SAP130: variants seen among roughly 807,000 people sequenced by gnomAD.
The protein encoded by SAP130 is Sin3A associated protein 130, also known as histone deacetylase complex subunit SAP130.
In SAP130, 16 loss-of-function variants were observed where a neutral mutation model predicts 103.2. That is an observed-to-expected ratio of 0.16 (90% CI 0.10 to 0.24). The LOEUF is 0.24. Ranked by LOEUF, SAP130 falls within the 10% of genes least tolerant of loss-of-function variation. The pLI, the probability that SAP130 is intolerant of heterozygous loss-of-function variation, is 1.00. For synonymous variants in SAP130, 477 were observed against 497.0 expected, an observed-to-expected ratio of 0.96 and a Z score of 0.53; for missense variants, 990 against 1,359.7, an observed-to-expected ratio of 0.73 and a Z score of 4.28.
Position 127,989,697 on chromosome 2 carries a change from G to C in SAP130, c.1647C>G (p.Pro549=), listed in dbSNP as rs1273763172. The C allele has an allele frequency of 1.9e-6, 3 of 1,614,152 alleles. No homozygotes were observed. Among genetic ancestry groups the C allele is most frequent in the Non-Finnish European group, 2.5e-6 (3 of 1,180,034 alleles). ...CAGGCTGTATCCCTGGGGTCCCAAT[G>C]GGGGCCGGCTGGATACCCTGGGTAC... ...PISTQGIQPA[P]IGTPGIQPAP... The change falls in exon 13 of 21, where the codon CCC becomes CCG. Residue 549 remains proline (P), a synonymous_variant. Coordinates refer to ENST00000643581, the MANE Select transcript of SAP130 (RefSeq NM_001330301.2). This position sits in a 1 kb window ranked among gnomAD's most constrained non-coding sequence, Gnocchi z 4.6.
chr2:127,963,603 C>G (rs976068828), intron 15 of SAP130, among the ~76,000 whole-genome samples: 1 of 152,156 alleles, frequency 6.6e-6, no homozygotes, highest in Non-Finnish European at 1.5e-5. Context: ...TGGTTTGGCT[C>G]TGTGTCCCCA....
At chr2:127,981,397 CCCGA>C (rs1681890967) in intron 14 of SAP130, among the ~76,000 whole-genome samples, 10 of 13,000 alleles carry the variant, frequency 7.7e-4, no homozygotes, top group Admixed American at 1.1e-3. Flanking sequence ...CTCCTGCACC[CCCGA>C]CTCAGCTCCC....
At chr2:127,964,494 C>CAAAAAAAAA (rs55755397) in intron 15 of SAP130, among the ~76,000 whole-genome samples, 1 of 69,910 alleles carries the variant, frequency 1.4e-5, no homozygotes. Context: ...AACTCCATCT[C>CAAAAAAAAA]AAAAAAAAAA....
At chr2:128,024,202 A>G (rs1026968507) in intron 2 of SAP130, among the ~76,000 whole-genome samples, 4 of 152,076 alleles carry the variant, frequency 2.6e-5, no homozygotes, top group African/African-American at 9.7e-5. Flanking sequence ...GTTGGCGGCC[A>G]CCCAAGTGGC....
At position 128,028,046 on chromosome 2, in the gene SAP130, G is replaced by T. The variant is rs1037639801; in HGVS notation, c.-113C>A. 161 of 923,556 alleles carry T rather than the reference G, an allele frequency of 1.7e-4. No individual in the cohort carries two copies. The highest frequency in any genetic ancestry group is 3.7e-4 in the Admixed American group (6 of 16,216). The allele number at this position is 923,556 out of a possible 1,614,324, so 57.2% of individuals were successfully genotyped here. On this transcript the variant is annotated 5_prime_UTR_variant, in exon 1 of 21. Coordinates refer to ENST00000643581, the MANE Select transcript of SAP130 (RefSeq NM_001330301.2). ...GCTCCGGACCCGCAGCCACCGCCGG[G>T]GAGCTAGCACTCTGCCCCCCACCCC...
Position 127,942,027 on chromosome 2 carries a change from C to T in SAP130, c.3153G>A (p.Leu1051=), listed in dbSNP as rs2104830285. 1.3e-6 allele frequency: 2 copies of T among 1,591,444 alleles called. No individual in the cohort carries two copies. The highest frequency in any genetic ancestry group is 1.8e-5 in the Admixed American group (1 of 56,908). ...GGGTCTAGACTTTTTCCTTTCGCTT[C>T]AATTTGGACACTTTTTTGACAGTCC... ...KNGTVKKVSK[L]KRKEKV is the part of the protein sequence containing the mutation. Residue 1051 remains leucine, a synonymous_variant, in exon 21 of 21, where the codon TTG becomes TTA. Coordinates refer to ENST00000643581, the MANE Select transcript of SAP130 (RefSeq NM_001330301.2). This position sits in a 1 kb window ranked among gnomAD's most constrained non-coding sequence, Gnocchi z 4.8.
At chr2:128,017,948 C>T in intron 2 of SAP130, 33 bp from the exon 3 acceptor site, 1 of 1,549,906 alleles carries the variant, frequency 6.5e-7, no homozygotes. Context: ...GACAGTATGT[C>T]ACAGTCTCCC....
intron 2 of SAP130, among the ~76,000 whole-genome samples, chr2:128,019,002 G>A (rs906859249): frequency 7.2e-5 from 11 of 151,844 alleles, no homozygotes; most frequent in Admixed American, 3.3e-4. Context: ...GGAAGATGAG[G>A]CAGGAGAATC....
intron 3 of SAP130, 26 bp downstream of exon 3, chr2:128,017,654 T>A (rs1267457708): frequency 1.3e-6 from 2 of 1,579,804 alleles, no homozygotes; most frequent in Admixed American, 1.7e-5. Context: ...TCTGGTTCAG[T>A]GTGAAGTTTT....
chr2:127,975,874 C>T (rs991701716), intron 15 of SAP130, among the ~76,000 whole-genome samples: 4 of 152,124 alleles, frequency 2.6e-5, no homozygotes, highest in African/African-American at 4.8e-5. Context: ...AGATGTTCCA[C>T]GACACTGTCA....
At chr2:127,944,661 C>T (rs1052494680) in intron 19 of SAP130, among the ~76,000 whole-genome samples, 14 of 152,074 alleles carry the variant, frequency 9.2e-5, no homozygotes, top group South Asian at 2.1e-4. Flanking sequence ...CTCCTGACCT[C>T]GTGATCTGTC....
At position 127,955,066 on chromosome 2, in the gene SAP130, G is replaced by A; in HGVS notation, c.2342C>T (p.Ser781Phe). 6.2e-7 allele frequency: 1 copy of A among 1,614,158 alleles called. No individual in the cohort carries two copies. Among genetic ancestry groups the A allele is most frequent in the Non-Finnish European group, 8.5e-7 (1 of 1,180,008 alleles). Reference protein sequence around the residue: ...PPSVTVGGSLSSVLGPPVPEI... With the variant: ...PPSVTVGGSLFSVLGPPVPEI... ...AGGAACGGGAGGGCCCAAGACGGAG[G>A]AAAGACTGCCACCCACAGTGACTGA... The change falls in exon 16 of 21, where the codon TCC becomes TTC. Residue 781 changes from serine (S) to phenylalanine (F), a missense_variant. Physicochemically the swap from Ser to Phe is radical, Grantham distance 155. Transcript: ENST00000643581. The surrounding 1 kb of genome is among the most constrained non-coding windows in gnomAD (Gnocchi z 4.9).
At chr2:128,023,758 C>A (rs542022879) in intron 2 of SAP130, among the ~76,000 whole-genome samples, 5 of 152,222 alleles carry the variant, frequency 3.3e-5, no homozygotes, top group Non-Finnish European at 7.4e-5. Context: ...GCCTGGGAGA[C>A]AGAGTGAGAC....
chr2:127,971,684 TC>T (rs2104878830), intron 15 of SAP130, among the ~76,000 whole-genome samples: 1 of 152,328 alleles, frequency 6.6e-6, no homozygotes, highest in East Asian at 1.9e-4. Flanking sequence ...CTCTACTGAG[TC>T]CTGTCAAGTC....
At position 127,983,846 on chromosome 2, in the gene SAP130, T is replaced by TAA. The variant is rs1553509089; in HGVS notation, c.1958+2937_1958+2938dup. On this transcript the variant is annotated intron_variant, in intron 14 of 20. Transcript: ENST00000643581. ...TTGTTTTTTTTTTTTTTTTTTTTTT[T>TAA]AAACATTTATCTATGTATTCAGAAT... Among the ~76,000 whole-genome samples the TAA allele has an allele frequency of 9.5e-3, 515 of 54,362 alleles. 4 individuals are homozygous for TAA. The highest frequency in any genetic ancestry group is 0.022 in the African/African-American group (320 of 14,768). 35.7% of individuals were successfully genotyped at this position (54,362 alleles called of 152,430 possible).
chr2:128,018,704 A>C (rs1287462613), intron 2 of SAP130, among the ~76,000 whole-genome samples: 1 of 151,826 alleles, frequency 6.6e-6, no homozygotes. Flanking sequence ...AGGGAGGAGG[A>C]TCACTTAACC....
At position 128,027,863 on chromosome 2, in the gene SAP130, G is replaced by A. The variant is rs1257631409; in HGVS notation, c.-7+77C>T. ...CTTCCCCGGGGACGCGCAACGGGACGGACGCTGCAGCCCGGCTCAGCCGCC... is the reference window on the plus strand; with the variant it reads ...CTTCCCCGGGGACGCGCAACGGGACAGACGCTGCAGCCCGGCTCAGCCGCC... On this transcript the variant is annotated intron_variant, in intron 1 of 20. Coordinates refer to ENST00000643581, the MANE Select transcript of SAP130 (RefSeq NM_001330301.2). 3 of 906,228 alleles carry A rather than the reference G, an allele frequency of 3.3e-6. No homozygotes were observed. In the African/African-American group the frequency reaches 5.4e-5, roughly 16 times the overall value. 56.1% of individuals were successfully genotyped at this position (906,228 alleles called of 1,614,324 possible). A position where few individuals can be genotyped will look rare whatever the true frequency, so the allele number is the denominator to read the frequency against.
At chr2:128,027,100 G>GCCGC (rs1394845787) in intron 1 of SAP130, 5 of 1,414,560 alleles carry the variant, frequency 3.5e-6, no homozygotes, top group Non-Finnish European at 4.7e-6. Context: ...ACCTGTAGCC[G>GCCGC]CCGCCCGCCG....
In SAP130 at chr2:127,955,345, C is replaced by A; in HGVS notation, c.2064-1G>T. On this transcript the variant is annotated splice_acceptor_variant, in intron 15 of 20. Coordinates refer to ENST00000643581, the MANE Select transcript of SAP130 (RefSeq NM_001330301.2). LOFTEE classifies it high-confidence loss of function. The surrounding 1 kb of genome is among the most constrained non-coding windows in gnomAD (Gnocchi z 4.9). ...GTGGATTTCAGACTTGGGTTTGGCA[C>A]TAAAACACAAAAGAAAAGCACATGT... 1 of 1,539,856 alleles carries A rather than the reference C, an allele frequency of 6.5e-7. No homozygotes were observed. Among genetic ancestry groups the A allele is most frequent in the African/African-American group, 1.4e-5 (1 of 72,604 alleles).
Sources: allele counts gnomAD v4.1 joint callset (sites outside exome capture counted in the v4.1 genomes callset), GRCh38; gene constraint gnomAD v4.1.1; non-coding constraint Gnocchi (gnomAD v3.1); transcripts MANE v1.5; gene names NCBI Gene and HGNC (gene_info 2026-07-23, HGNC 2026-07-21).